The following CRACR2A variants were observed in gnomAD, a reference collection of about 807,000 sequenced individuals.
CRACR2A encodes the protein calcium release activated channel regulator 2A.
Under a neutral mutation model 90.5 loss-of-function variants are expected in CRACR2A, and 79 were observed. The observed-to-expected ratio is 0.87, with a 90% CI of 0.73 to 1.05. The LOEUF is 1.05. CRACR2A is among the 50% of genes least tolerant of loss of function. The pLI, the probability that CRACR2A is intolerant of heterozygous loss-of-function variation, is 0.00. For missense variants in CRACR2A, 823 were observed against 897.2 expected (o/e 0.92, Z 1.06); for synonymous variants, 338 against 356.7 (o/e 0.95, Z 0.59).
chr12:3,717,284 C>G (rs183088846), intron 2 of CRACR2A, among the ~76,000 whole-genome samples: 186 of 152,300 alleles, frequency 1.2e-3, no homozygotes, highest in Non-Finnish European at 2.0e-3. Context: ...TCCATCATGT[C>G]TGCTGGTTTC....
intron 3 of CRACR2A, among the ~76,000 whole-genome samples, chr12:3,709,865 G>A (rs377020879): frequency 6.6e-6 from 1 of 152,324 alleles, no homozygotes; most frequent in East Asian, 1.9e-4. Context: ...TTGTTGTAAG[G>A]ATTAAACAAA....
At chr12:3,642,960 T>C (rs1944600760) in intron 12 of CRACR2A, among the ~76,000 whole-genome samples, 1 of 152,230 alleles carries the variant, frequency 6.6e-6, no homozygotes, top group African/African-American at 2.4e-5. Flanking sequence ...CAATCTTCAA[T>C]TCTTATTGAA....
At chr12:3,661,172 C>T (rs369542378) in intron 7 of CRACR2A, among the ~76,000 whole-genome samples, 2 of 152,198 alleles carry the variant, frequency 1.3e-5, no homozygotes, top group Admixed American at 6.5e-5. Context: ...TCACCTGCCA[C>T]CTGTTGGGAG....
At chr12:3,696,702 C>A in intron 4 of CRACR2A, 70 bp downstream of exon 4, 1 of 1,601,346 alleles carries the variant, frequency 6.2e-7, no homozygotes. Flanking sequence ...TCCCACGGGG[C>A]AAGCTCTAAC....
intron 8 of CRACR2A, 61 bp downstream of exon 8, chr12:3,659,503 G>T: frequency 6.7e-7 from 1 of 1,484,754 alleles, no homozygotes; most frequent in Non-Finnish European, 9.4e-7. Flanking sequence ...TTAAACCTGG[G>T]GGAGACAGAG....
chr12:3,742,581 T>G (rs1011384740), intron 1 of CRACR2A, among the ~76,000 whole-genome samples: 1 of 152,200 alleles, frequency 6.6e-6, no homozygotes, highest in Non-Finnish European at 1.5e-5. Context: ...TATGAACTAG[T>G]CAGTGAAGGC....
chr12:3,623,605 G>A (rs1046493515), intron 17 of CRACR2A, among the ~76,000 whole-genome samples: 4 of 152,204 alleles, frequency 2.6e-5, no homozygotes, highest in African/African-American at 4.8e-5. Flanking sequence ...TTCCAGATTG[G>A]AATGGTTAAA....
chr12:3,727,115 A>G (rs550390070), intron 2 of CRACR2A: 8 of 145,682 alleles, frequency 5.5e-5, no homozygotes, highest in Non-Finnish European at 1.0e-4. Context: ...AGATCGCACC[A>G]CTGCACTCCA....
chr12:3,616,013 G>C (rs966381548), intron 19 of CRACR2A, among the ~76,000 whole-genome samples: 1 of 152,214 alleles, frequency 6.6e-6, no homozygotes, highest in Non-Finnish European at 1.5e-5. Flanking sequence ...CTTTCCAAAC[G>C]CTTTTGCGTT....
intron 2 of CRACR2A, among the ~76,000 whole-genome samples, chr12:3,715,652 A>G (rs1337971567): frequency 6.6e-6 from 1 of 152,242 alleles, no homozygotes; most frequent in Non-Finnish European, 1.5e-5. Context: ...CCAGACAACA[A>G]TATGTAGCTA....
At chr12:3,721,657 T>G (rs1946179059) in intron 2 of CRACR2A, among the ~76,000 whole-genome samples, 2 of 149,280 alleles carry the variant, frequency 1.3e-5, no homozygotes, top group Admixed American at 1.3e-4. Context: ...TGGAGATAAA[T>G]GCATGTGAAA....
chr12:3,656,515 G>T, intron 8 of CRACR2A, 109 bp from the exon 9 acceptor site: 1 of 931,340 alleles, frequency 1.1e-6, no homozygotes, highest in Non-Finnish European at 1.7e-6. Flanking sequence ...CATCCTATTA[G>T]ACCATGGGGC....
chr12:3,718,938 C>T (rs1329183059), intron 2 of CRACR2A, among the ~76,000 whole-genome samples: 2 of 152,144 alleles, frequency 1.3e-5, no homozygotes, highest in African/African-American at 4.8e-5. Context: ...AGGAACAACT[C>T]CTGGACTCCT....
At chr12:3,734,656 T>A (rs1565507286) in intron 1 of CRACR2A, among the ~76,000 whole-genome samples, 1 of 113,140 alleles carries the variant, frequency 8.8e-6, no homozygotes, top group Non-Finnish European at 2.0e-5. Context: ...TGTGTGTGCA[T>A]ATACATAATA....
intron 17 of CRACR2A, among the ~76,000 whole-genome samples, chr12:3,621,672 A>AAAAAAAAAAC (rs1565460361): frequency 2.1e-5 from 3 of 145,796 alleles, no homozygotes; most frequent in African/African-American, 7.6e-5. Flanking sequence ...AAAAAAAAAA[A>AAAAAAAAAAC]AAAAAAAAAC....
At chr12:3,718,917 C>T (rs1373815782) in intron 2 of CRACR2A, among the ~76,000 whole-genome samples, 1 of 152,106 alleles carries the variant, frequency 6.6e-6, no homozygotes, top group African/African-American at 2.4e-5. Context: ...GGAGGTCCTA[C>T]TTGAGCAGAC....
chr12:3,750,714 C>T (rs745417276), intron 1 of CRACR2A, among the ~76,000 whole-genome samples: 2 of 152,164 alleles, frequency 1.3e-5, no homozygotes, highest in African/African-American at 4.8e-5. Context: ...TAGCCTGTCC[C>T]TGAGGAATCC....
intron 3 of CRACR2A, among the ~76,000 whole-genome samples, chr12:3,699,006 G>C (rs982839238): frequency 6.6e-6 from 1 of 152,162 alleles, no homozygotes; most frequent in Non-Finnish European, 1.5e-5. Context: ...GTCATTCCTT[G>C]AGTGCTTTCT....
intron 12 of CRACR2A, 106 bp from the exon 13 acceptor site, chr12:3,641,944 C>A: frequency 1.0e-6 from 1 of 978,320 alleles, no homozygotes; most frequent in South Asian, 1.5e-5. Flanking sequence ...ACACAAAACT[C>A]TGAAAGGAGT....
Sources: allele counts gnomAD v4.1 joint callset (sites outside exome capture counted in the v4.1 genomes callset), GRCh38; gene constraint gnomAD v4.1.1; transcripts MANE v1.5; gene names NCBI Gene and HGNC (gene_info 2026-07-23, HGNC 2026-07-21).